RASSF2: variants seen among roughly 807,000 people sequenced by gnomAD.
The protein encoded by RASSF2 is Ras association domain family member 2.
In RASSF2, 34 loss-of-function variants were observed where a neutral mutation model predicts 46.3. The observed-to-expected ratio is 0.73, with a 90% CI of 0.56 to 0.98. The LOEUF (loss-of-function observed/expected upper bound fraction) is 0.98. RASSF2 is among the 50% of genes least tolerant of loss of function. The probability of loss-of-function intolerance (pLI) is 0.00; values close to 1 mark genes in which losing one functional copy is unlikely to be tolerated. For missense variants in RASSF2, 364 were observed against 431.2 expected (o/e 0.84, Z 1.38); for synonymous variants, 158 against 162.5 (o/e 0.97, Z 0.21).
chr20:4,805,801 G>C (rs991677936), intron 2 of RASSF2, among the ~76,000 whole-genome samples: 3 of 152,166 alleles, frequency 2.0e-5, no homozygotes, highest in African/African-American at 7.2e-5. Context: ...TGGGGAAAGG[G>C]TGTGCTGCCG....
Position 4,784,050 on chromosome 20 carries a change from AAAATC to A in RASSF2, c.*218_*222del. ...CACATTTTGGGTCCTCCTTATAACT[AAAATC>A]AAAAGTCCTTGTGAGCAGAAAAAAG... On this transcript the variant is annotated 3_prime_UTR_variant, in exon 12 of 12. Transcript: ENST00000379400. The A allele has an allele frequency of 5.2e-6, 3 of 578,328 alleles. No homozygotes were observed. Among genetic ancestry groups the A allele is most frequent in the Non-Finnish European group, 9.3e-6 (3 of 322,234 alleles). The allele number at this position is 578,328 out of a possible 1,614,324, so 35.8% of individuals were successfully genotyped here.
rs138094153 is a variant in RASSF2 at position 4,815,757 on chromosome 20, C to T, written c.-33+6572G>A. Reference sequence around the variant, plus strand: ...CAGCAGTGGGTCTGGGCCCCAAGGGCCAGCTGCCAGCAGCCAGCAAGCCAT... The same window carrying T: ...CAGCAGTGGGTCTGGGCCCCAAGGGTCAGCTGCCAGCAGCCAGCAAGCCAT... On this transcript the variant is annotated intron_variant, in intron 2 of 11. Transcript: ENST00000379400. Among the ~76,000 whole-genome samples, 98 of 152,346 alleles carry T rather than the reference C, an allele frequency of 6.4e-4. 4 individuals carry two copies. The East Asian group carries it at 0.017, about 27-fold the overall frequency.
In RASSF2 at chr20:4,798,081, C is replaced by T. The variant is rs1251167112; in HGVS notation, c.64G>A (p.Glu22Lys). 1 of 1,613,566 alleles carries T rather than the reference C, an allele frequency of 6.2e-7. No individual in the cohort carries two copies. The highest frequency in any genetic ancestry group is 1.3e-5 in the African/African-American group (1 of 74,896). Residue 22 changes from glutamate (E) to lysine (K), a missense_variant, in exon 4 of 12, where the codon GAA (glutamate) becomes AAA (lysine). Coordinates refer to ENST00000379400, the MANE Select transcript of RASSF2 (RefSeq NM_014737.3). ...TAGGTCTTCAGATGCAAGAGAAGTT[C>T]ATTTCTTAGGGGGAAAAATAGAAGA... ...CGQDKYISKNELLLHLKTYNL... is the reference protein window; with the variant it reads ...CGQDKYISKNKLLLHLKTYNL...
intron 2 of RASSF2, among the ~76,000 whole-genome samples, chr20:4,810,774 G>A (rs2423028): frequency 0.38 from 57,627 of 151,936 alleles, 11,168 homozygotes; most frequent in Admixed American, 0.49. Flanking sequence ...GGGGGTGAGG[G>A]AGGGAGAGCA....
intron 5 of RASSF2, among the ~76,000 whole-genome samples, chr20:4,794,080 T>A (rs957693139): frequency 2.5e-4 from 38 of 152,226 alleles, no homozygotes; most frequent in Middle Eastern, 3.4e-3. Flanking sequence ...AATACAGCAA[T>A]AATACAGTAT....
chr20:4,822,906 C>T (rs1453603064), intron 1 of RASSF2, among the ~76,000 whole-genome samples: 4 of 152,144 alleles, frequency 2.6e-5, no homozygotes, highest in African/African-American at 9.7e-5. Flanking sequence ...CCTGCCGCGC[C>T]GCCCCACCTC....
At chr20:4,818,712 C>T (rs1279435853) in intron 2 of RASSF2, among the ~76,000 whole-genome samples, 4 of 152,222 alleles carry the variant, frequency 2.6e-5, no homozygotes, top group African/African-American at 9.6e-5. Context: ...AAACCATGTG[C>T]AGGTGACCTC....
intron 2 of RASSF2, among the ~76,000 whole-genome samples, chr20:4,808,468 G>A (rs1387200525): frequency 2.7e-5 from 4 of 149,240 alleles, no homozygotes; most frequent in Non-Finnish European, 4.4e-5. Flanking sequence ...AGAAAGAAAG[G>A]GCAAATTTTA....
At chr20:4,811,727 A>T (rs547957567) in intron 2 of RASSF2, among the ~76,000 whole-genome samples, 1 of 152,318 alleles carries the variant, frequency 6.6e-6, no homozygotes, top group Non-Finnish European at 1.5e-5. Context: ...CTTGCAAGCC[A>T]GGGCACCATG....
chr20:4,798,901 G>A (rs1209430409), intron 3 of RASSF2, among the ~76,000 whole-genome samples: 1 of 150,918 alleles, frequency 6.6e-6, no homozygotes, highest in African/African-American at 2.4e-5. Flanking sequence ...CATAAAGGAA[G>A]CAATAGCCAC....
In RASSF2 at chr20:4,790,680, T is replaced by A; in HGVS notation, c.377-69A>T. 7.4e-7 allele frequency: 1 copy of A among 1,348,810 alleles called. No homozygotes were observed. The highest frequency in any genetic ancestry group is 9.9e-7 in the Non-Finnish European group (1 of 1,008,732). The allele number at this position is 1,348,810 out of a possible 1,614,324, so 83.6% of individuals were successfully genotyped here. A position where few individuals can be genotyped will look rare whatever the true frequency, so the allele number is the denominator to read the frequency against. On this transcript the variant is annotated intron_variant, in intron 6 of 11. Coordinates refer to ENST00000379400, the MANE Select transcript of RASSF2 (RefSeq NM_014737.3). This position sits in a 1 kb window ranked among gnomAD's most constrained non-coding sequence, Gnocchi z 4.3. ...GACATGGCACATGGTCCCCAATTTG[T>A]GGCCAGTGCGACAGCACCCACTGTC...
At chr20:4,788,134 G>C in intron 9 of RASSF2, 83 bp downstream of exon 9, 4 of 1,293,064 alleles carry the variant, frequency 3.1e-6, no homozygotes, top group African/African-American at 1.5e-5. Flanking sequence ...CAAACAACAA[G>C]CAAAGGAGGC....
intron 2 of RASSF2, among the ~76,000 whole-genome samples, chr20:4,816,810 T>G (rs1660949198): frequency 6.6e-6 from 1 of 152,092 alleles, no homozygotes; most frequent in Non-Finnish European, 1.5e-5. Context: ...GTAAGCTGCT[T>G]CTTAAAAATA....
intron 5 of RASSF2, among the ~76,000 whole-genome samples, chr20:4,793,775 C>G (rs1472476401): frequency 6.6e-6 from 1 of 152,166 alleles, no homozygotes; most frequent in Non-Finnish European, 1.5e-5. Context: ...CCACCACGCA[C>G]AGCCTCAGGA....
At chr20:4,792,994 T>G (rs1601094628) in intron 5 of RASSF2, 3 of 217,998 alleles carry the variant, frequency 1.4e-5, no homozygotes, top group African/African-American at 6.9e-5. Context: ...TATGGCTTAC[T>G]TGGAAAACTC....
intron 2 of RASSF2, among the ~76,000 whole-genome samples, chr20:4,813,220 C>T (rs546855553): frequency 6.6e-6 from 1 of 152,342 alleles, no homozygotes; most frequent in African/African-American, 2.4e-5. Context: ...TACCGCACTC[C>T]CATCCCCGGA....
chr20:4,818,229 T>C (rs1928447717), intron 2 of RASSF2, among the ~76,000 whole-genome samples: 1 of 151,792 alleles, frequency 6.6e-6, no homozygotes, highest in South Asian at 2.1e-4. Context: ...ATCGTGCCAC[T>C]GCATTCCAGC....
intron 2 of RASSF2, among the ~76,000 whole-genome samples, chr20:4,806,830 C>T (rs975838038): frequency 2.0e-5 from 3 of 152,178 alleles, no homozygotes; most frequent in Admixed American, 6.5e-5. Flanking sequence ...CCTTATTTTT[C>T]TCAGAATTCT....
At chr20:4,804,170 C>G (rs1927141549) in intron 2 of RASSF2, among the ~76,000 whole-genome samples, 1 of 152,034 alleles carries the variant, frequency 6.6e-6, no homozygotes, top group Admixed American at 6.6e-5. Context: ...ATTCAGAAAA[C>G]TCAGACCCTA....
Sources: gnomAD v4.1 joint callset for allele counts (sites outside exome capture counted in the v4.1 genomes callset) on GRCh38, gnomAD v4.1.1 for gene constraint, Gnocchi (gnomAD v3.1) non-coding constraint, MANE v1.5 for transcripts, NCBI Gene and HGNC (gene_info 2026-07-23, HGNC 2026-07-21) for gene names.